TSPAN9: variants seen among roughly 807,000 people sequenced by gnomAD.
TSPAN9 encodes tetraspanin-9.
Under a neutral mutation model 31.0 loss-of-function variants are expected in TSPAN9, and 16 were observed. The ratio of observed to expected loss-of-function variants is 0.52; its 90% CI spans 0.35 to 0.78. The LOEUF (loss-of-function observed/expected upper bound fraction) is 0.78. TSPAN9 is among the 30% of genes least tolerant of loss of function. The pLI is 0.01. For missense variants in TSPAN9, 272 were observed against 312.5 expected, an observed-to-expected ratio of 0.87 and a Z score of 0.98; for synonymous variants, 145 against 121.6, an observed-to-expected ratio of 1.19 and a Z score of -1.27.
At chr12:3,274,767 A>T (rs1412633309) in intron 3 of TSPAN9, among the ~76,000 whole-genome samples, 3 of 151,998 alleles carry the variant, frequency 2.0e-5, no homozygotes, top group African/African-American at 4.8e-5. Context: ...TCTCGGCAGG[A>T]GCCCCTTGAG....
intron 2 of TSPAN9, among the ~76,000 whole-genome samples, chr12:3,186,775 A>G (rs1055761254): frequency 5.3e-5 from 8 of 151,850 alleles, no homozygotes; most frequent in Non-Finnish European, 7.4e-5. Flanking sequence ...TTTCCCTATG[A>G]CTCGTCCAGC....
At chr12:3,078,677 T>C (rs1054581186) in intron 1 of TSPAN9, among the ~76,000 whole-genome samples, 1 of 151,990 alleles carries the variant, frequency 6.6e-6, no homozygotes, top group Non-Finnish European at 1.5e-5. Flanking sequence ...GGGCTGTGGG[T>C]TGGAGGGAGA....
chr12:3,269,320 G>A (rs377016449), intron 3 of TSPAN9, among the ~76,000 whole-genome samples: 2 of 34,218 alleles, frequency 5.8e-5, no homozygotes, highest in African/African-American at 2.3e-4. Flanking sequence ...CCCTCCGTGC[G>A]TTCCTGCAGC....
At chr12:3,191,835 C>T (rs1485512368) in intron 2 of TSPAN9, among the ~76,000 whole-genome samples, 1 of 152,028 alleles carries the variant, frequency 6.6e-6, no homozygotes, top group Non-Finnish European at 1.5e-5. Context: ...CATGGATTTT[C>T]CAATGATGGT....
At chr12:3,164,759 C>G (rs942071581) in intron 2 of TSPAN9, among the ~76,000 whole-genome samples, 1 of 152,182 alleles carries the variant, frequency 6.6e-6, no homozygotes, top group Non-Finnish European at 1.5e-5. Flanking sequence ...TGAGCCTTCT[C>G]GGTATAGCAC....
At chr12:3,195,527 C>T (rs2098366628) in intron 2 of TSPAN9, among the ~76,000 whole-genome samples, 1 of 152,142 alleles carries the variant, frequency 6.6e-6, no homozygotes, top group Admixed American at 6.5e-5. Flanking sequence ...GCCTGGGTGG[C>T]AAGCTGAGAA....
rs679825 is a variant in TSPAN9, at chr12:3,280,139, C to T, written c.331-243C>T. 0.39 allele frequency among the ~76,000 whole-genome samples: 59,572 copies of T among 151,778 alleles called. 11,761 individuals are homozygous for T. Among genetic ancestry groups the T allele is most frequent in the Middle Eastern group, 0.53 (155 of 294 alleles). The stretch of plus-strand genomic sequence containing the variant: ...GCCCTGGCCCTGAGTTTAGCTCTGC[C>T]GGGAGGCGGTGGGTGCACCAGGGCC... On this transcript the variant is annotated intron_variant, in intron 5 of 8. Transcript: ENST00000011898. The surrounding 1 kb of genome is among the most constrained non-coding windows in gnomAD (Gnocchi z 4.5).
intron 2 of TSPAN9, among the ~76,000 whole-genome samples, chr12:3,140,166 G>A (rs2098334118): frequency 6.6e-6 from 1 of 152,174 alleles, no homozygotes; most frequent in Admixed American, 6.5e-5. Flanking sequence ...TATCTGTAAG[G>A]AATTAAGTCC....
intron 2 of TSPAN9, among the ~76,000 whole-genome samples, chr12:3,085,416 G>A (rs2098299952): frequency 6.6e-6 from 1 of 151,660 alleles, no homozygotes; most frequent in South Asian, 2.1e-4. Flanking sequence ...CTAGATGACC[G>A]TCTTTCCTCT....
rs2098315272 is a variant in TSPAN9, at chr12:3,107,460, G to A, written c.-18+23741G>A. On this transcript the variant is annotated intron_variant, in intron 2 of 8. Coordinates refer to ENST00000011898, the MANE Select transcript of TSPAN9 (RefSeq NM_006675.5). The surrounding 1 kb of genome is among the most constrained non-coding windows in gnomAD (Gnocchi z 4.1). The stretch of plus-strand genomic sequence containing the variant: ...GTCTTTGGGCCTGGGATCTTTCTGA[G>A]CCTTAAATCTCTGGGTTTCACAGGC... Among the ~76,000 whole-genome samples the A allele has an allele frequency of 6.6e-6, 1 of 152,164 alleles. No homozygotes were observed. Among genetic ancestry groups the A allele is most frequent in the African/African-American group, 2.4e-5 (1 of 41,434 alleles).
intron 3 of TSPAN9, among the ~76,000 whole-genome samples, chr12:3,221,322 A>G (rs912435326): frequency 6.8e-6 from 1 of 148,096 alleles, no homozygotes; most frequent in African/African-American, 2.5e-5. Flanking sequence ...TTTATTTTCC[A>G]TTGAAGATAA....
At chr12:3,202,235 C>T (rs774054604) in intron 3 of TSPAN9, among the ~76,000 whole-genome samples, 21 of 152,318 alleles carry the variant, frequency 1.4e-4, no homozygotes, top group Admixed American at 2.0e-4. Context: ...CAAGCCCCGA[C>T]GTAGCACAGA....
At chr12:3,278,353 C>T in intron 3 of TSPAN9, 68 bp from the exon 4 acceptor site, 2 of 1,577,588 alleles carry the variant, frequency 1.3e-6, no homozygotes, top group Non-Finnish European at 1.7e-6. Context: ...TGGGGACCTG[C>T]ACTGTTCCCA....
At chr12:3,212,542 C>T (rs1025799461) in intron 3 of TSPAN9, among the ~76,000 whole-genome samples, 9 of 152,108 alleles carry the variant, frequency 5.9e-5, no homozygotes, top group Admixed American at 2.6e-4. Flanking sequence ...CAAAGTGCTG[C>T]GATTACAGGT....
At chr12:3,188,067 C>T (rs1042196681) in intron 2 of TSPAN9, among the ~76,000 whole-genome samples, 1 of 152,038 alleles carries the variant, frequency 6.6e-6, no homozygotes, top group Non-Finnish European at 1.5e-5. Context: ...TCGCTTTTAT[C>T]GAGCTCCTAT....
At chr12:3,183,863 T>C (rs902462235) in intron 2 of TSPAN9, among the ~76,000 whole-genome samples, 1 of 152,220 alleles carries the variant, frequency 6.6e-6, no homozygotes, top group Non-Finnish European at 1.5e-5. Flanking sequence ...TTTTTGTAAG[T>C]TGGGTACAAT....
At chr12:3,177,168 C>T (rs981084798) in intron 2 of TSPAN9, among the ~76,000 whole-genome samples, 2 of 152,224 alleles carry the variant, frequency 1.3e-5, no homozygotes, top group African/African-American at 2.4e-5. Flanking sequence ...GATAGAGTCT[C>T]GCTCTGTTGC....
At chr12:3,244,644 C>T (rs1415069523) in intron 3 of TSPAN9, among the ~76,000 whole-genome samples, 3 of 152,186 alleles carry the variant, frequency 2.0e-5, no homozygotes, top group African/African-American at 7.2e-5. Flanking sequence ...GCAGCAGGTC[C>T]CACCAGATGG....
At chr12:3,231,676 G>A (rs1231106239) in intron 3 of TSPAN9, among the ~76,000 whole-genome samples, 2 of 152,262 alleles carry the variant, frequency 1.3e-5, no homozygotes, top group Non-Finnish European at 2.9e-5. Flanking sequence ...TGTTCGCTTT[G>A]GAGCCTGGAT....
Sources: gnomAD v4.1 joint callset for allele counts (sites outside exome capture counted in the v4.1 genomes callset) on GRCh38, gnomAD v4.1.1 for gene constraint, Gnocchi (gnomAD v3.1) non-coding constraint, MANE v1.5 for transcripts, NCBI Gene and HGNC (gene_info 2026-07-23, HGNC 2026-07-21) for gene names.